Variants in ATP5PB observed in about 807,000 individuals in gnomAD.
ATP5PB encodes the protein ATP synthase peripheral stalk-membrane subunit b.
A neutral mutation model predicts 34.5 loss-of-function variants in ATP5PB; 21 were observed. The observed-to-expected ratio is 0.61, with a 90% CI of 0.43 to 0.88. The LOEUF (loss-of-function observed/expected upper bound fraction) is 0.88, where lower values mean the gene tolerates loss of function less well. Among genes scored for constraint, ATP5PB ranks in the 40% least tolerant of loss-of-function variants. The pLI, the probability that ATP5PB is intolerant of heterozygous loss-of-function variation, is 0.00. For synonymous variants in ATP5PB, 108 were observed against 114.1 expected (o/e 0.95, Z 0.34); for missense variants, 293 against 317.4 (o/e 0.92, Z 0.58).
intron 6 of ATP5PB, among the ~76,000 whole-genome samples, chr1:111,460,355 T>G (rs1653584388): frequency 6.6e-6 from 1 of 152,102 alleles, no homozygotes; most frequent in Non-Finnish European, 1.5e-5. Flanking sequence ...TTTTTTTTCT[T>G]TCTCGAGTTT....
rs573285927 is a variant in ATP5PB at position 111,452,769 on chromosome 1, T to C, written c.78-1442T>C. The stretch of plus-strand genomic sequence containing the variant: ...TGACATTTAGCAATGTCTGGAGATA[T>C]TTTTCAGTGTTACCATAGGATGGGT... On this transcript the variant is annotated intron_variant, in intron 2 of 6. Transcript: ENST00000369722. 1.2e-3 allele frequency among the ~76,000 whole-genome samples: 179 copies of C among 152,260 alleles called. 1 individual carries two copies. The highest frequency in any genetic ancestry group is 4.0e-3 in the African/African-American group (168 of 41,542).
intron 5 of ATP5PB, among the ~76,000 whole-genome samples, chr1:111,457,730 C>T: frequency 6.6e-6 from 1 of 152,130 alleles, no homozygotes; most frequent in East Asian, 1.9e-4. Context: ...CTTATGGAAT[C>T]AGAACCTTTC....
At chr1:111,449,903 C>G (rs759349195) in intron 2 of ATP5PB, 30 bp downstream of exon 2, 1 of 1,613,814 alleles carries the variant, frequency 6.2e-7, no homozygotes, top group South Asian at 1.1e-5. Context: ...TCCCTTTCGT[C>G]TTTGTTTTCA....
rs1030115847 is a variant in ATP5PB at position 111,449,841 on chromosome 1, C to T, written c.45C>T (p.Pro15=). ...VVLSAAATAA[P]SLKNAAFLGP... ...CTTCGCCTTGTCTATCTGCAGCCCCCTCTCTGAAGAATGCAGCCTTCCTAG... is the reference window on the plus strand; with the variant it reads ...CTTCGCCTTGTCTATCTGCAGCCCCTTCTCTGAAGAATGCAGCCTTCCTAG... Residue 15 remains proline (P), a synonymous_variant, in exon 2 of 7, where the codon CCC becomes CCT. Coordinates refer to ENST00000369722, the MANE Select transcript of ATP5PB (RefSeq NM_001688.5). 1 of 1,614,188 alleles carries T rather than the reference C, an allele frequency of 6.2e-7. No individual in the cohort carries two copies. The highest frequency in any genetic ancestry group is 8.5e-7 in the Non-Finnish European group (1 of 1,180,020).
At chr1:111,454,602 C>T (rs1057296279) in intron 3 of ATP5PB, among the ~76,000 whole-genome samples, 19 of 152,092 alleles carry the variant, frequency 1.2e-4, no homozygotes, top group Admixed American at 3.9e-4. Flanking sequence ...GGCGTGCACC[C>T]GGCTCATTTT....
intron 3 of ATP5PB, 131 bp from the exon 4 acceptor site, chr1:111,455,955 C>A (rs1046146305): frequency 3.1e-5 from 23 of 737,306 alleles, no homozygotes; most frequent in Middle Eastern, 8.6e-4. Flanking sequence ...GCTTCCCAAT[C>A]CAGTGTTTTG....
At chr1:111,456,332 G>C in intron 4 of ATP5PB, 83 bp downstream of exon 4, 1 of 1,358,578 alleles carries the variant, frequency 7.4e-7, no homozygotes, top group Non-Finnish European at 9.9e-7. Context: ...ATGAGTGTTA[G>C]GGGAGCAACA....
At chr1:111,453,195 A>G (rs1017012287) in intron 2 of ATP5PB, among the ~76,000 whole-genome samples, 1 of 152,178 alleles carries the variant, frequency 6.6e-6, no homozygotes, top group African/African-American at 2.4e-5. Context: ...TTTCATCAGA[A>G]GCTTAAGGAG....
intron 5 of ATP5PB, 112 bp downstream of exon 5, chr1:111,456,867 AAG>A (rs1653488686): frequency 7.6e-7 from 1 of 1,321,120 alleles, no homozygotes; most frequent in Non-Finnish European, 9.9e-7. Context: ...TTATTTAGAA[AAG>A]AGAAGATTTG....
chr1:111,458,548 CAGCT>C (rs1177160386), intron 5 of ATP5PB, among the ~76,000 whole-genome samples: 2 of 152,056 alleles, frequency 1.3e-5, no homozygotes, highest in Admixed American at 1.3e-4. Flanking sequence ...AAGGCCCATA[CAGCT>C]GAAGTAGAAT....
At chr1:111,460,396 G>T (rs1477088745) in intron 6 of ATP5PB, among the ~76,000 whole-genome samples, 1 of 144,932 alleles carries the variant, frequency 6.9e-6, no homozygotes, top group African/African-American at 2.5e-5. Context: ...GTTGTTTTCA[G>T]CATAACCTAT....
rs753545373 is a variant in ATP5PB at position 111,449,550 on chromosome 1, C to T, written c.9C>T (p.Ser3=). The T allele has an allele frequency of 2.5e-6, 4 of 1,611,522 alleles. No individual in the cohort carries two copies. Among genetic ancestry groups the T allele is most frequent in the Non-Finnish European group, 3.4e-6 (4 of 1,178,604 alleles). ...CTGGACTTTCGTTGACCATGCTGTCCCGGGTGGTACTTTCCGCCGCCGCCA... is the reference window on the plus strand; with the variant it reads ...CTGGACTTTCGTTGACCATGCTGTCTCGGGTGGTACTTTCCGCCGCCGCCA... ML[S]RVVLSAAATA... is the part of the protein sequence containing the mutation. Residue 3 remains serine (S), a synonymous_variant, in exon 1 of 7, where the codon TCC becomes TCT. Coordinates refer to ENST00000369722, the MANE Select transcript of ATP5PB (RefSeq NM_001688.5).
intron 6 of ATP5PB, 106 bp downstream of exon 6, chr1:111,459,742 G>A: frequency 5.6e-6 from 7 of 1,251,462 alleles, no homozygotes. Flanking sequence ...CTTTAGCCTA[G>A]AAGTAGCAGT....
At position 111,451,289 on chromosome 1, in the gene ATP5PB, C is replaced by T. The variant is rs557662722; in HGVS notation, c.77+1416C>T. Among the ~76,000 whole-genome samples, 7 of 152,316 alleles carry T rather than the reference C, an allele frequency of 4.6e-5. No homozygotes were observed. In the South Asian group the frequency reaches 6.2e-4, roughly 14 times the overall value. ...TGGTGTTCCTCTGAAAACTACCAAG[C>T]GCATTCTTGCCTCAATATCTTTCTA... On this transcript the variant is annotated intron_variant, in intron 2 of 6. Transcript: ENST00000369722.
chr1:111,459,306 G>A, intron 5 of ATP5PB, 151 bp from the exon 6 acceptor site: 2 of 718,750 alleles, frequency 2.8e-6, no homozygotes, highest in Non-Finnish European at 2.1e-6. Flanking sequence ...GCCATATGCT[G>A]TTATAATTTC....
intron 2 of ATP5PB, among the ~76,000 whole-genome samples, chr1:111,450,255 G>C (rs1297824667): frequency 6.6e-6 from 1 of 152,230 alleles, no homozygotes; most frequent in Non-Finnish European, 1.5e-5. Flanking sequence ...GTTGTTTACA[G>C]TCGGTTTCCC....
In ATP5PB at chr1:111,449,550, C is replaced by G; in HGVS notation, c.9C>G (p.Ser3=). The G allele has an allele frequency of 6.2e-7, 1 of 1,611,638 alleles. No homozygotes were observed. The highest frequency in any genetic ancestry group is 1.1e-5 in the South Asian group (1 of 90,886). ...CTGGACTTTCGTTGACCATGCTGTC[C>G]CGGGTGGTACTTTCCGCCGCCGCCA... ML[S]RVVLSAAATA... The change falls in exon 1 of 7, where the codon TCC becomes TCG. Residue 3 remains serine (S), a synonymous_variant. Transcript: ENST00000369722.
rs1475029050 is a variant in ATP5PB, at chr1:111,462,092, C to T, written c.*1098C>T. 5.9e-5 allele frequency: 9 copies of T among 152,044 alleles called. No homozygotes were observed. Among genetic ancestry groups the T allele is most frequent in the Admixed American group, 3.9e-4 (6 of 15,280 alleles). The allele number at this position is 152,044 out of a possible 1,614,324, so 9.4% of individuals were successfully genotyped here. On this transcript the variant is annotated 3_prime_UTR_variant, in exon 7 of 7. Transcript: ENST00000369722. The stretch of plus-strand genomic sequence containing the variant: ...AATACCATGATCCAGCAATCCCAGT[C>T]GACATATATACTCAAAAAAATTAAA...
Position 111,449,895 on chromosome 1 carries a change from C to T in ATP5PB, c.77+22C>T, listed in dbSNP as rs369284984. The T allele has an allele frequency of 4.8e-5, 78 of 1,613,808 alleles. No homozygotes were observed. In the South Asian group the frequency reaches 5.5e-4, roughly 11 times the overall value. On this transcript the variant is annotated intron_variant, in intron 2 of 6. Transcript: ENST00000369722. ...CAGGGTAAGTGTGAGGATAATGCTC[C>T]CTTTCGTCTTTGTTTTCACTACCTT...
Sources: allele counts gnomAD v4.1 joint callset (sites outside exome capture counted in the v4.1 genomes callset), GRCh38; gene constraint gnomAD v4.1.1; transcripts MANE v1.5; gene names NCBI Gene and HGNC (gene_info 2026-07-23, HGNC 2026-07-21).